RUNX1: variants seen among roughly 807,000 people sequenced by gnomAD.
The protein encoded by RUNX1 is runt-related transcription factor 1.
In RUNX1, 19 loss-of-function variants were observed where a neutral mutation model predicts 42.8. That is an observed-to-expected ratio of 0.44 (90% CI 0.31 to 0.65). The LOEUF is 0.65. RUNX1 is among the 30% of genes least tolerant of loss of function. RUNX1 has a pLI of 0.07. For missense variants in RUNX1, 528 were observed against 672.0 expected (o/e 0.79, Z 2.37); for synonymous variants, 271 against 289.4 (o/e 0.94, Z 0.64).
chr21:34,989,988 A>G (rs2058924120), intron 2 of RUNX1, among the ~76,000 whole-genome samples: 2 of 152,148 alleles, frequency 1.3e-5, no homozygotes, highest in African/African-American at 4.8e-5. Context: ...AGGAGGATGA[A>G]ACGGATGCAC....
At chr21:34,856,046 C>A (rs1178742075) in intron 6 of RUNX1, among the ~76,000 whole-genome samples, 1 of 152,152 alleles carries the variant, frequency 6.6e-6, no homozygotes, top group Non-Finnish European at 1.5e-5. Context: ...TGTAAAAGAG[C>A]AAGAAACCAT....
chr21:34,940,775 G>C (rs1248755528), intron 2 of RUNX1, among the ~76,000 whole-genome samples: 1 of 152,218 alleles, frequency 6.6e-6, no homozygotes, highest in Non-Finnish European at 1.5e-5. Flanking sequence ...TTCAGAAGTG[G>C]TGCAGGAATT....
intron 7 of RUNX1, among the ~76,000 whole-genome samples, chr21:34,809,688 G>A (rs1021029050): frequency 3.3e-5 from 5 of 152,068 alleles, no homozygotes; most frequent in African/African-American, 4.8e-5. Context: ...ATGAGGGGCC[G>A]GTGGGATTTC....
At chr21:34,848,340 T>A (rs1416381879) in intron 6 of RUNX1, among the ~76,000 whole-genome samples, 1 of 152,250 alleles carries the variant, frequency 6.6e-6, no homozygotes, top group East Asian at 1.9e-4. Flanking sequence ...AGAGGTATCA[T>A]GCAGTCCATT....
At chr21:34,803,541 C>T (rs893397886) in intron 7 of RUNX1, among the ~76,000 whole-genome samples, 31 of 150,020 alleles carry the variant, frequency 2.1e-4, no homozygotes, top group African/African-American at 6.7e-4. Context: ...AGCCAGACTC[C>T]GTCTCAGAAA....
chr21:34,820,995 G>A (rs1019365261), intron 7 of RUNX1, among the ~76,000 whole-genome samples: 13 of 152,174 alleles, frequency 8.5e-5, no homozygotes, highest in African/African-American at 2.9e-4. Flanking sequence ...ATAGGGCTTT[G>A]AGCAAAGAAG....
chr21:34,846,212 TTTTC>T, intron 6 of RUNX1, among the ~76,000 whole-genome samples: 1 of 149,880 alleles, frequency 6.7e-6, no homozygotes, highest in Admixed American at 6.6e-5. Context: ...TTTTTTTTTT[TTTTC>T]AAATGTTGCC....
chr21:34,849,949 GGTA>G (rs2057393958), intron 6 of RUNX1, among the ~76,000 whole-genome samples: 1 of 151,382 alleles, frequency 6.6e-6, no homozygotes, highest in South Asian at 2.1e-4. Context: ...TTATTTTGGT[GGTA>G]GTAGTGGAGT....
rs1264809479 is a variant in RUNX1 at position 34,998,513 on chromosome 21, C to T, written c.58+50329G>A. 2.6e-5 allele frequency among the ~76,000 whole-genome samples: 4 copies of T among 152,016 alleles called. No homozygotes were observed. In the East Asian group the frequency reaches 5.8e-4, roughly 22 times the overall value. On this transcript the variant is annotated intron_variant, in intron 2 of 8. Transcript: ENST00000675419. ...GGGAGTCAGAGAGCCCAGTCCTCAT[C>T]TCATCTGGTCAGCTTCTTTTTTCTT...
At position 34,954,880 on chromosome 21, in the gene RUNX1, T is replaced by C. The variant is rs1270451654; in HGVS notation, c.59-61917A>G. Among the ~76,000 whole-genome samples the C allele has an allele frequency of 2.0e-5, 3 of 152,276 alleles. No individual in the cohort carries two copies. In the East Asian group the frequency reaches 5.8e-4, roughly 29 times the overall value. Reference sequence around the variant, plus strand: ...CATTGAAACATGGGAATATTTGTGATGGCAGCTGGCATTAATTACTCTGAT... The same window carrying C: ...CATTGAAACATGGGAATATTTGTGACGGCAGCTGGCATTAATTACTCTGAT... On this transcript the variant is annotated intron_variant, in intron 2 of 8. Coordinates refer to ENST00000675419, the MANE Select transcript of RUNX1 (RefSeq NM_001754.5).
Position 34,792,685 on chromosome 21 carries a change from G to A in RUNX1, c.968-75C>T. The A allele has an allele frequency of 1.4e-6, 2 of 1,399,658 alleles. No homozygotes were observed. The allele number at this position is 1,399,658 out of a possible 1,614,324, so 86.7% of individuals were successfully genotyped here. A position where few individuals can be genotyped will look rare whatever the true frequency, so the allele number is the denominator to read the frequency against. On this transcript the variant is annotated intron_variant, in intron 8 of 8. Coordinates refer to ENST00000675419, the MANE Select transcript of RUNX1 (RefSeq NM_001754.5). The surrounding 1 kb of genome is among the most constrained non-coding windows in gnomAD (Gnocchi z 6.9). The stretch of plus-strand genomic sequence containing the variant: ...GGCCACAGCTCTTCCCTCTGCCCCA[G>A]GGGGCTACCCAGGATGATACCGCCT...
At chr21:34,885,641 T>C (rs1483649524) in intron 4 of RUNX1, among the ~76,000 whole-genome samples, 3 of 152,208 alleles carry the variant, frequency 2.0e-5, no homozygotes, top group African/African-American at 7.2e-5. Flanking sequence ...CAATACTTTT[T>C]TAAAAAGTGA....
chr21:34,883,477 A>C (rs2146383072), intron 4 of RUNX1, among the ~76,000 whole-genome samples: 1 of 152,340 alleles, frequency 6.6e-6, no homozygotes, highest in Non-Finnish European at 1.5e-5. Context: ...TGCTAATTTG[A>C]TACAGGTTTT....
rs77451813 is a variant in RUNX1 at position 34,997,349 on chromosome 21, G to A, written c.58+51493C>T. Among the ~76,000 whole-genome samples, 1,316 of 152,204 alleles carry A rather than the reference G, an allele frequency of 8.6e-3. 22 individuals are homozygous for A. Among genetic ancestry groups the A allele is most frequent in the African/African-American group, 0.029 (1,198 of 41,530 alleles). On this transcript the variant is annotated intron_variant, in intron 2 of 8. Transcript: ENST00000675419. Reference sequence around the variant, plus strand: ...CTCAAATTCACAATAAAAAAAAATAGGCCTCTTATTGCTGCAGTGAGATAG... The same window carrying A: ...CTCAAATTCACAATAAAAAAAAATAAGCCTCTTATTGCTGCAGTGAGATAG...
intron 2 of RUNX1, among the ~76,000 whole-genome samples, chr21:35,045,721 G>A (rs2059391290): frequency 6.6e-6 from 1 of 152,200 alleles, no homozygotes; most frequent in Admixed American, 6.5e-5. Flanking sequence ...GTTCAGTCAA[G>A]CCAGAAGAAG....
intron 2 of RUNX1, among the ~76,000 whole-genome samples, chr21:35,013,887 A>G (rs1254162000): frequency 6.6e-6 from 1 of 152,254 alleles, no homozygotes; most frequent in Non-Finnish European, 1.5e-5. Context: ...TCATGCAAAA[A>G]TTAAGGTGAT....
intron 2 of RUNX1, among the ~76,000 whole-genome samples, chr21:35,043,157 C>A (rs1028649721): frequency 2.0e-5 from 3 of 152,184 alleles, no homozygotes; most frequent in African/African-American, 7.2e-5. Context: ...GTAAAGTACT[C>A]CCTGATTGTG....
chr21:34,868,037 A>G (rs566389617), intron 5 of RUNX1, among the ~76,000 whole-genome samples: 21 of 152,332 alleles, frequency 1.4e-4, no homozygotes, highest in Non-Finnish European at 2.5e-4. Flanking sequence ...AGGCATGGAC[A>G]TTCTTCAGGG....
intron 2 of RUNX1, among the ~76,000 whole-genome samples, chr21:34,974,483 G>A (rs541090299): frequency 2.8e-4 from 42 of 151,890 alleles, no homozygotes; most frequent in Non-Finnish European, 4.9e-4. Flanking sequence ...ACTTGAAGCC[G>A]GAGAGAGCTC....
Sources: gnomAD v4.1 joint callset for allele counts (sites outside exome capture counted in the v4.1 genomes callset) on GRCh38, gnomAD v4.1.1 for gene constraint, Gnocchi (gnomAD v3.1) non-coding constraint, MANE v1.5 for transcripts, NCBI Gene and HGNC (gene_info 2026-07-23, HGNC 2026-07-21) for gene names.